SZT2: variants seen among roughly 807,000 people sequenced by gnomAD.
The protein encoded by SZT2 is KICSTOR complex protein SZT2.
In SZT2, 216 loss-of-function variants were observed where a neutral mutation model predicts 404.2. The ratio of observed to expected loss-of-function variants is 0.53; its 90% CI spans 0.48 to 0.60. The LOEUF is 0.60. Ranked by LOEUF, SZT2 falls within the 20% of genes least tolerant of loss-of-function variation. The pLI is 0.00. For synonymous variants in SZT2, 1,693 were observed against 1,749.9 expected (o/e 0.97, Z 0.81); for missense variants, 3,857 against 4,459.2 (o/e 0.86, Z 3.85).
chr1:43,413,759 A>C (rs1244300084), intron 4 of SZT2, among the ~76,000 whole-genome samples: 1 of 152,194 alleles, frequency 6.6e-6, no homozygotes, highest in Non-Finnish European at 1.5e-5. Flanking sequence ...AAAACAATTG[A>C]ACTAATGAAG....
intron 32 of SZT2, 51 bp downstream of exon 32, chr1:43,430,840 C>T (rs1653784976): frequency 6.3e-7 from 1 of 1,587,218 alleles, no homozygotes; most frequent in African/African-American, 1.3e-5. Flanking sequence ...AACAGCCTGC[C>T]TAAGTGGGAG....
At chr1:43,398,743 G>A (rs1649299279) in intron 1 of SZT2, among the ~76,000 whole-genome samples, 1 of 152,154 alleles carries the variant, frequency 6.6e-6, no homozygotes, top group African/African-American at 2.4e-5. Context: ...GATGGGGTGT[G>A]GTAGTCAGGA....
In SZT2 at chr1:43,448,359, CTCT is replaced by C. The variant is rs762960046; in HGVS notation, c.9849_9851del (p.Phe3283del). 3.2e-6 allele frequency: 5 copies of C among 1,555,142 alleles called. No individual in the cohort carries two copies. Among genetic ancestry groups the C allele is most frequent in the Non-Finnish European group, 4.4e-6 (5 of 1,149,346 alleles). Reference sequence around the variant, plus strand: ...CCGTCGGGACACCCTTTGGAAGCGCCTCTTCTTGCTGGAGCCACCGGGGCCTGA... The same window carrying C: ...CCGTCGGGACACCCTTTGGAAGCGCCTCTTGCTGGAGCCACCGGGGCCTGA... On this transcript the variant is annotated inframe_deletion, in exon 69 of 72. Transcript: ENST00000634258. The surrounding 1 kb of genome is among the most constrained non-coding windows in gnomAD (Gnocchi z 4.2).
intron 12 of SZT2, 109 bp from the exon 13 acceptor site, chr1:43,422,371 C>T: frequency 2.0e-6 from 3 of 1,490,760 alleles, no homozygotes; most frequent in Non-Finnish European, 2.7e-6. Flanking sequence ...CCCTGCTCTT[C>T]AGTCCCCATA....
At chr1:43,391,287 C>T (rs192292669) in intron 1 of SZT2, among the ~76,000 whole-genome samples, 8 of 151,640 alleles carry the variant, frequency 5.3e-5, no homozygotes, top group Non-Finnish European at 1.5e-5. Flanking sequence ...GCACTTCAGC[C>T]TGGGCAACAA....
intron 70 of SZT2, chr1:43,449,017 G>A: frequency 2.7e-6 from 1 of 375,386 alleles, no homozygotes; most frequent in Non-Finnish European, 4.8e-6. Context: ...AACTTTGTCA[G>A]TAGGCTGGAG....
rs1416245742 is a variant in SZT2 at position 43,391,876 on chromosome 1, TCGAG to T, written c.27+1882_27+1885del. Among the ~76,000 whole-genome samples the T allele has an allele frequency of 6.7e-3, 136 of 20,366 alleles. 63 individuals carry two copies. Among genetic ancestry groups the T allele is most frequent in the Non-Finnish European group, 7.8e-3 (70 of 9,018 alleles). The allele number at this position is 20,366 out of a possible 152,430, so 13.4% of individuals were successfully genotyped here. ...GCGGGCGGATCACGAGGTCAGGAGA[TCGAG>T]ACCATCCTGGCTAAAACGGTGAAAC... is the stretch of plus-strand genomic sequence containing the variant. On this transcript the variant is annotated intron_variant, in intron 1 of 71. Transcript: ENST00000634258.
intron 4 of SZT2, among the ~76,000 whole-genome samples, chr1:43,413,984 G>T (rs1233359052): frequency 6.6e-6 from 1 of 152,118 alleles, no homozygotes; most frequent in East Asian, 1.9e-4. Flanking sequence ...CAAAAAATAG[G>T]ATAAATGCCT....
chr1:43,447,719 C>T, intron 67 of SZT2, 21 bp downstream of exon 67: 1 of 1,611,994 alleles, frequency 6.2e-7, no homozygotes, highest in South Asian at 1.1e-5. Flanking sequence ...GAGGGGCATC[C>T]AGCATGCACG....
intron 7 of SZT2, 114 bp from the exon 8 acceptor site, chr1:43,419,620 C>T (rs1382825997): frequency 1.2e-6 from 1 of 818,968 alleles, no homozygotes; most frequent in Non-Finnish European, 1.9e-6. Context: ...GCCTACTTCC[C>T]ACTCTGTGGT....
intron 1 of SZT2, among the ~76,000 whole-genome samples, chr1:43,401,725 A>ATCC (rs1221892972): frequency 2.0e-5 from 3 of 152,030 alleles, no homozygotes; most frequent in African/African-American, 7.3e-5. Flanking sequence ...ACCTCAGGTG[A>ATCC]TCCACCCGCC....
At position 43,452,148 on chromosome 1, in the gene SZT2, C is replaced by G. The variant is rs939505345; in HGVS notation, c.*1668C>G. On this transcript the variant is annotated 3_prime_UTR_variant, in exon 72 of 72. Transcript: ENST00000634258. ...CACGTGCTGTCCCCACTGTGCACCC[C>G]CTTCTCCGCACACCCACAGAGACAT... is the stretch of plus-strand genomic sequence containing the variant. 7.9e-6 allele frequency: 12 copies of G among 1,515,778 alleles called. No homozygotes were observed. The Admixed American group carries it at 1.1e-4, about 14-fold the overall frequency. 93.9% of individuals were successfully genotyped at this position (1,515,778 alleles called of 1,614,324 possible).
chr1:43,399,660 G>T (rs1427799697), intron 1 of SZT2, among the ~76,000 whole-genome samples: 1 of 151,766 alleles, frequency 6.6e-6, no homozygotes, highest in African/African-American at 2.4e-5. Context: ...ACGGGGTTTC[G>T]CTGTGTTAGC....
Position 43,448,180 on chromosome 1 carries a change from C to T in SZT2, c.9665C>T (p.Pro3222Leu), listed in dbSNP as rs531733494. 9 of 1,612,012 alleles carry T rather than the reference C, an allele frequency of 5.6e-6. No individual in the cohort carries two copies. In the South Asian group the frequency reaches 6.6e-5, roughly 12 times the overall value. ...FRKPPRLPPE[P>L]EAPGSSAGSP... The stretch of plus-strand genomic sequence containing the variant: ...AAGCCACCCAGACTGCCCCCTGAGC[C>T]AGAGGCTCCTGGGAGTTCAGCTGGC... Residue 3222 changes from proline to leucine, a missense_variant, in exon 69 of 72, where the codon CCA becomes CTA. This residue lies in a region of SZT2 where 717 missense variants were observed against 868.2 expected (regional missense o/e 0.83). Coordinates refer to ENST00000634258, the MANE Select transcript of SZT2 (RefSeq NM_001365999.1). This position sits in a 1 kb window ranked among gnomAD's most constrained non-coding sequence, Gnocchi z 4.2.
Position 43,420,222 on chromosome 1 carries a change from G to A in SZT2, c.1160G>A (p.Arg387Gln), listed in dbSNP as rs749794832. The A allele has an allele frequency of 3.8e-6, 6 of 1,598,454 alleles. No homozygotes were observed. The highest frequency in any genetic ancestry group is 1.3e-5 in the African/African-American group (1 of 75,060). ...AGCAACCCTGCCCTGGCCTTGCGCC[G>A]GAAGAAGCACACTGAGAAGGAGGTG... ...ASSNPALALR[R>Q]KKHTEKEVPA... The change falls in exon 9 of 72, where the codon CGG becomes CAG. Residue 387 changes from arginine to glutamine, a missense_variant. Physicochemically the swap from Arg to Gln is conservative, Grantham distance 43. Around this residue, in one of 7 missense-constraint regions of SZT2, gnomAD observed 536 missense variants for 637.4 expected, o/e 0.84. Transcript: ENST00000634258. The surrounding 1 kb of genome is among the most constrained non-coding windows in gnomAD (Gnocchi z 5.1).
intron 14 of SZT2, 68 bp from the exon 15 acceptor site, chr1:43,423,031 C>G: frequency 2.0e-6 from 3 of 1,521,902 alleles, no homozygotes; most frequent in Admixed American, 2.0e-5. Flanking sequence ...CTCACTTTGT[C>G]TGTGAGCCCC....
chr1:43,434,292 A>T (rs1194320388), intron 40 of SZT2, 94 bp from the exon 41 acceptor site: 2 of 1,082,190 alleles, frequency 1.8e-6, no homozygotes, highest in East Asian at 5.6e-5. Context: ...CCCCCTCGTG[A>T]TACGTATAAC....
rs1323463488 is a variant in SZT2 at position 43,428,009 on chromosome 1, G to C, written c.3810G>C (p.Gln1270His). 1 of 1,613,950 alleles carries C rather than the reference G, an allele frequency of 6.2e-7. No homozygotes were observed. The highest frequency in any genetic ancestry group is 1.1e-5 in the South Asian group (1 of 91,048). Residue 1270 changes from glutamine (Q) to histidine (H), a missense_variant, in exon 27 of 72, where the codon CAG becomes CAC. Transcript: ENST00000634258. Reference sequence around the variant, plus strand: ...TTTTCCCTTCGTTTCCTAGGACTCAGTTCCTCGACCACCCCTCCCCATCCT... The same window carrying C: ...TTTTCCCTTCGTTTCCTAGGACTCACTTCCTCGACCACCCCTCCCCATCCT... ...QAPRDLIFRT[Q>H]FLDHPSPSSA...
chr1:43,449,837 A>C (rs2153937272), intron 70 of SZT2: 1 of 565,686 alleles, frequency 1.8e-6, no homozygotes, highest in Admixed American at 3.0e-5. Context: ...CTCTCTGTTG[A>C]TTGGCTTCAG....
Sources: allele counts gnomAD v4.1 joint callset (sites outside exome capture counted in the v4.1 genomes callset), GRCh38; gene constraint gnomAD v4.1.1; regional missense constraint gnomAD v4.1.1; non-coding constraint Gnocchi (gnomAD v3.1); transcripts MANE v1.5; gene names NCBI Gene and HGNC (gene_info 2026-07-23, HGNC 2026-07-21).